KCNJ3: variants seen among roughly 807,000 people sequenced by gnomAD.
KCNJ3 encodes the protein potassium inwardly rectifying channel subfamily J member 3, also known as G protein-activated inward rectifier potassium channel 1.
KCNJ3 carries 4 observed loss-of-function variants against 39.2 expected under a neutral mutation model. That is an observed-to-expected ratio of 0.10 (90% CI 0.05 to 0.23). The LOEUF (loss-of-function observed/expected upper bound fraction) is 0.23. Ranked by LOEUF, KCNJ3 falls within the 10% of genes least tolerant of loss-of-function variation. The pLI is 1.00. For synonymous variants in KCNJ3, 230 were observed against 237.4 expected (o/e 0.97, Z 0.29); for missense variants, 276 against 634.9 (o/e 0.43, Z 6.08).
chr2:154,831,174 G>C (rs1376676607), intron 2 of KCNJ3, among the ~76,000 whole-genome samples: 1 of 152,102 alleles, frequency 6.6e-6, no homozygotes, highest in Non-Finnish European at 1.5e-5. Flanking sequence ...TCATAAGACT[G>C]TGTCACAGCC....
intron 2 of KCNJ3, among the ~76,000 whole-genome samples, chr2:154,750,748 G>T (rs541984974): frequency 4.0e-5 from 6 of 151,878 alleles, no homozygotes; most frequent in Non-Finnish European, 7.4e-5. Flanking sequence ...TTGCCATTTT[G>T]TTTTCATTGC....
At chr2:154,737,760 G>A (rs1404895561) in intron 2 of KCNJ3, among the ~76,000 whole-genome samples, 1 of 152,096 alleles carries the variant, frequency 6.6e-6, no homozygotes, top group Non-Finnish European at 1.5e-5. Context: ...TATTCAAAAT[G>A]AAACACAGAA....
chr2:154,729,517 T>G (rs1685416460), intron 2 of KCNJ3, among the ~76,000 whole-genome samples: 1 of 152,170 alleles, frequency 6.6e-6, no homozygotes, highest in Non-Finnish European at 1.5e-5. Flanking sequence ...AACTGTAAGT[T>G]TAACTCCTAG....
At chr2:154,709,537 G>A in intron 1 of KCNJ3, 66 bp from the exon 2 acceptor site, 1 of 1,514,154 alleles carries the variant, frequency 6.6e-7, no homozygotes, top group Admixed American at 1.9e-5. Context: ...GTAAATTACT[G>A]TTGGGCTGCC....
At chr2:154,782,344 G>C (rs1686452912) in intron 2 of KCNJ3, among the ~76,000 whole-genome samples, 2 of 152,098 alleles carry the variant, frequency 1.3e-5, no homozygotes, top group Non-Finnish European at 2.9e-5. Context: ...GATTAAATGA[G>C]TTAATACATT....
At chr2:154,802,581 T>C (rs892939803) in intron 2 of KCNJ3, among the ~76,000 whole-genome samples, 28 of 152,312 alleles carry the variant, frequency 1.8e-4, no homozygotes, top group African/African-American at 6.3e-4. Flanking sequence ...AGATCAACTG[T>C]GCCTTTGCAT....
At chr2:154,790,715 A>G (rs1007296830) in intron 2 of KCNJ3, among the ~76,000 whole-genome samples, 1 of 152,096 alleles carries the variant, frequency 6.6e-6, no homozygotes, top group Admixed American at 6.6e-5. Context: ...TGTAGAAAAC[A>G]TAGGCCACCT....
intron 2 of KCNJ3, among the ~76,000 whole-genome samples, chr2:154,828,039 A>G (rs1366491312): frequency 6.6e-6 from 1 of 152,170 alleles, no homozygotes; most frequent in Non-Finnish European, 1.5e-5. Context: ...CATTATCTTC[A>G]TATGAATTCT....
At chr2:154,705,378 G>C (rs774036625) in intron 1 of KCNJ3, among the ~76,000 whole-genome samples, 1 of 152,122 alleles carries the variant, frequency 6.6e-6, no homozygotes, top group Non-Finnish European at 1.5e-5. Flanking sequence ...CTTTGAATAA[G>C]CACTTAACAG....
At chr2:154,780,699 C>CAT (rs1235681776) in intron 2 of KCNJ3, among the ~76,000 whole-genome samples, 2 of 152,116 alleles carry the variant, frequency 1.3e-5, no homozygotes, top group Admixed American at 6.6e-5. Context: ...TTGTTTCATA[C>CAT]ATATATATCA....
At chr2:154,723,156 G>A (rs571017331) in intron 2 of KCNJ3, among the ~76,000 whole-genome samples, 3 of 151,992 alleles carry the variant, frequency 2.0e-5, no homozygotes, top group Non-Finnish European at 4.4e-5. Context: ...GTGGTGGCAC[G>A]TGCCTGTGAT....
At chr2:154,714,204 T>C (rs966788387) in intron 2 of KCNJ3, among the ~76,000 whole-genome samples, 1 of 152,172 alleles carries the variant, frequency 6.6e-6, no homozygotes, top group African/African-American at 2.4e-5. Context: ...TAAATTCCCA[T>C]TGACTCCTTT....
intron 2 of KCNJ3, among the ~76,000 whole-genome samples, chr2:154,726,027 A>G (rs1685352131): frequency 6.6e-6 from 1 of 152,148 alleles, no homozygotes; most frequent in Admixed American, 6.5e-5. Flanking sequence ...ACATTAGAAA[A>G]CACCTTCTAG....
intron 2 of KCNJ3, among the ~76,000 whole-genome samples, chr2:154,763,635 A>G (rs1686082875): frequency 1.3e-5 from 2 of 152,150 alleles, no homozygotes; most frequent in Admixed American, 6.5e-5. Flanking sequence ...CTTGCAGAGT[A>G]GAGGAAAGCT....
intron 2 of KCNJ3, among the ~76,000 whole-genome samples, chr2:154,735,297 G>C (rs1403013800): frequency 7.3e-6 from 1 of 137,536 alleles, no homozygotes; most frequent in Non-Finnish European, 1.5e-5. Context: ...TGTATTTTTA[G>C]TAGAGACTAG....
At chr2:154,732,459 A>G (rs1236866738) in intron 2 of KCNJ3, among the ~76,000 whole-genome samples, 1 of 152,150 alleles carries the variant, frequency 6.6e-6, no homozygotes, top group Non-Finnish European at 1.5e-5. Context: ...AAACAAAAAC[A>G]TCTTACAGGC....
At chr2:154,829,462 G>T (rs879636417) in intron 2 of KCNJ3, among the ~76,000 whole-genome samples, 8 of 152,100 alleles carry the variant, frequency 5.3e-5, no homozygotes, top group Admixed American at 5.2e-4. Flanking sequence ...ACACGACCTT[G>T]TTCTTTCTTA....
chr2:154,849,896 T>C lies in KCNJ3; in HGVS notation c.920-4831T>C, dbSNP rs530425337. ...TGTCAAAAATAAAAAGGTTAGACTA[T>C]GTTGCTTCTACCATTTTAAATGGAC... On this transcript the variant is annotated intron_variant, in intron 2 of 2. Coordinates refer to ENST00000295101, the MANE Select transcript of KCNJ3 (RefSeq NM_002239.4). Among the ~76,000 whole-genome samples, 4 of 152,182 alleles carry C rather than the reference T, an allele frequency of 2.6e-5. No homozygotes were observed. The South Asian group carries it at 8.3e-4, about 32-fold the overall frequency.
intron 2 of KCNJ3, among the ~76,000 whole-genome samples, chr2:154,813,668 T>C (rs1687037164): frequency 6.6e-6 from 1 of 152,186 alleles, no homozygotes; most frequent in African/African-American, 2.4e-5. Context: ...AAATATGTAA[T>C]ATAAATTATC....
Sources: gnomAD v4.1 joint callset for allele counts (sites outside exome capture counted in the v4.1 genomes callset) on GRCh38, gnomAD v4.1.1 for gene constraint, MANE v1.5 for transcripts, NCBI Gene and HGNC (gene_info 2026-07-23, HGNC 2026-07-21) for gene names.